Variants in HAO1 observed in about 807,000 individuals in gnomAD.
The protein encoded by HAO1 is 2-Hydroxyacid oxidase 1.
In HAO1, 34 loss-of-function variants were observed where a neutral mutation model predicts 39.7. The ratio of observed to expected loss-of-function variants is 0.86; its 90% confidence interval spans 0.65 to 1.14. The LOEUF is 1.14. HAO1 is among the 50% of genes most tolerant of loss of function. HAO1 has a pLI of 0.00. For synonymous variants in HAO1, 172 were observed against 173.2 expected, an observed-to-expected ratio of 0.99 and a Z score of 0.05; for missense variants, 479 against 464.5, an observed-to-expected ratio of 1.03 and a Z score of -0.29.
chr20:7,918,686 C>T (rs1568517071), intron 2 of HAO1, among the ~76,000 whole-genome samples: 1 of 152,172 alleles, frequency 6.6e-6, no homozygotes, highest in African/African-American at 2.4e-5. Flanking sequence ...GCTCAAAGTC[C>T]TTTGCTAAAT....
At chr20:7,897,801 G>C (rs1026427093) in intron 4 of HAO1, among the ~76,000 whole-genome samples, 4 of 151,748 alleles carry the variant, frequency 2.6e-5, no homozygotes, top group Admixed American at 1.3e-4. Context: ...GTTATGTTTT[G>C]GTGTTTCTGA....
rs142998832 is a variant in HAO1, at chr20:7,906,222, C to T, written c.653G>A (p.Ser218Asn). The change falls in exon 4 of 8, where the codon AGC becomes AAC. Residue 218 changes from serine (S) to asparagine (N), a missense_variant. Physicochemically the swap from Ser to Asn is conservative, Grantham distance 46. Coordinates refer to ENST00000378789, the MANE Select transcript of HAO1 (RefSeq NM_017545.3). ...YVAKAIDPSI[S>N]WEDIKWLRRL... ...TCTCAGCCATTTGATATCTTCCCAG[C>T]TGATAGATGGGTCTATTGCTTTAGC... 1.3e-4 allele frequency: 213 copies of T among 1,612,582 alleles called. 1 individual carries two copies. In the African/African-American group the frequency reaches 2.7e-3, roughly 20 times the overall value.
At chr20:7,909,363 ATATATATATATATATG>A (rs1330501326) in intron 3 of HAO1, among the ~76,000 whole-genome samples, 45 of 93,770 alleles carry the variant, frequency 4.8e-4, no homozygotes, top group African/African-American at 2.6e-3. Flanking sequence ...ATTATGACAT[ATATATATATATATATG>A]TATATATATA....
At position 7,890,307 on chromosome 20, in the gene HAO1, G is replaced by A. The variant is rs6055367; in HGVS notation, c.814-4443C>T. On this transcript the variant is annotated intron_variant, in intron 5 of 7. Transcript: ENST00000378789. ...TGGCTCACTGCAACCTCCATCTCCC[G>A]GGTTCAAGTGATTCTCCTGCCTCGG... Among the ~76,000 whole-genome samples, 1,129 of 151,926 alleles carry A rather than the reference G, an allele frequency of 7.4e-3. 20 individuals are homozygous for A. Among genetic ancestry groups the A allele is most frequent in the African/African-American group, 0.025 (1,044 of 41,428 alleles).
chr20:7,926,327 C>G, intron 2 of HAO1, among the ~76,000 whole-genome samples: 1 of 152,070 alleles, frequency 6.6e-6, no homozygotes, highest in East Asian at 1.9e-4. Context: ...TGATACATGA[C>G]AGGCACTCCA....
chr20:7,903,870 T>C (rs1381767907), intron 4 of HAO1, among the ~76,000 whole-genome samples: 5 of 127,696 alleles, frequency 3.9e-5, no homozygotes, highest in Admixed American at 8.4e-5. Context: ...GTGGTGGTGG[T>C]GGTGGTGGTG....
Position 7,906,292 on chromosome 20 carries a change from GA to G in HAO1, c.582del (p.Pro195LeufsTer19). On this transcript the variant is annotated frameshift_variant, in exon 4 of 8. Coordinates refer to ENST00000378789, the MANE Select transcript of HAO1 (RefSeq NM_017545.3). LOFTEE classifies it high-confidence loss of function. ...CTGTCGTCTCCAAAATTTTCCTCAG[GA>G]GAAAATGATAAAGTACTGGTTTCAA... is the stretch of plus-strand genomic sequence containing the variant. ...KNFETSTLSFSPEENFGDDSG... is the reference protein window; with the variant it reads ...KNFETSTLSFXPEENFGDDSG... 1 of 1,611,696 alleles carries G rather than the reference GA, an allele frequency of 6.2e-7. No homozygotes were observed. The highest frequency in any genetic ancestry group is 1.1e-5 in the South Asian group (1 of 91,020).
intron 5 of HAO1, among the ~76,000 whole-genome samples, chr20:7,887,881 G>A (rs2050157405): frequency 6.6e-6 from 1 of 152,116 alleles, no homozygotes; most frequent in South Asian, 2.1e-4. Context: ...ATTGCTAGGT[G>A]TTTCAATCCT....
intron 5 of HAO1, among the ~76,000 whole-genome samples, chr20:7,889,811 C>T (rs1010144813): frequency 1.3e-5 from 2 of 152,146 alleles, no homozygotes; most frequent in African/African-American, 4.8e-5. Flanking sequence ...GTAAGCAACA[C>T]AATACTGTGA....
intron 2 of HAO1, among the ~76,000 whole-genome samples, chr20:7,918,561 A>T (rs192414960): frequency 3.3e-4 from 51 of 152,256 alleles, no homozygotes; most frequent in African/African-American, 1.2e-3. Context: ...TTTTCTCCCC[A>T]AGGAATCCCC....
intron 3 of HAO1, 111 bp downstream of exon 3, chr20:7,914,053 C>A: frequency 8.7e-7 from 1 of 1,151,884 alleles, no homozygotes; most frequent in Non-Finnish European, 1.3e-6. Context: ...ATGTGATTAG[C>A]TGAAGATTAA....
At chr20:7,924,141 C>G (rs1429167138) in intron 2 of HAO1, among the ~76,000 whole-genome samples, 2 of 151,926 alleles carry the variant, frequency 1.3e-5, no homozygotes, top group Non-Finnish European at 2.9e-5. Context: ...CATAATGGCC[C>G]CTCAGTACAC....
intron 2 of HAO1, among the ~76,000 whole-genome samples, chr20:7,919,339 T>C (rs2050320820): frequency 6.6e-6 from 1 of 152,198 alleles, no homozygotes; most frequent in African/African-American, 2.4e-5. Flanking sequence ...TACAGATATA[T>C]TCAGACTTTA....
chr20:7,926,949 A>G (rs1189435226), intron 2 of HAO1, among the ~76,000 whole-genome samples: 1 of 151,900 alleles, frequency 6.6e-6, no homozygotes, highest in Non-Finnish European at 1.5e-5. Context: ...ATTTTTCTTG[A>G]TATGAGGTCC....
chr20:7,916,140 A>G (rs1368287628), intron 2 of HAO1, among the ~76,000 whole-genome samples: 1 of 152,186 alleles, frequency 6.6e-6, no homozygotes, highest in South Asian at 2.1e-4. Flanking sequence ...TTGAGAGAAC[A>G]TGAGTGATAG....
chr20:7,885,755 G>A lies in HAO1; in HGVS notation c.923C>T (p.Ala308Val), dbSNP rs1221754859. The change falls in exon 6 of 8, where the codon GCC (alanine) becomes GTC (valine). Residue 308 changes from alanine to valine, a missense_variant. Coordinates refer to ENST00000378789, the MANE Select transcript of HAO1 (RefSeq NM_017545.3). ...TDVLKALALG[A>V]KAVFVGRPIV... ...TGGTCTCCCCACAAACACAGCCTTG[G>A]CGCCAAGAGCCAGAGCTTTCAGAAC... is the stretch of plus-strand genomic sequence containing the variant. 3 of 1,613,654 alleles carry A rather than the reference G, an allele frequency of 1.9e-6. No homozygotes were observed. Among genetic ancestry groups the A allele is most frequent in the East Asian group, 4.5e-5 (2 of 44,862 alleles).
At chr20:7,933,682 G>A (rs567473789) in intron 2 of HAO1, among the ~76,000 whole-genome samples, 14 of 152,240 alleles carry the variant, frequency 9.2e-5, no homozygotes, top group South Asian at 2.1e-4. Context: ...TTATATAGTC[G>A]TGTTCTTTTT....
At chr20:7,894,366 A>G (rs921435588) in intron 5 of HAO1, among the ~76,000 whole-genome samples, 3 of 152,132 alleles carry the variant, frequency 2.0e-5, no homozygotes, top group African/African-American at 7.2e-5. Context: ...TTTTACATCT[A>G]GATTTTGGAC....
At chr20:7,923,297 A>T (rs1727838892) in intron 2 of HAO1, among the ~76,000 whole-genome samples, 1 of 152,174 alleles carries the variant, frequency 6.6e-6, no homozygotes, top group Non-Finnish European at 1.5e-5. Flanking sequence ...TGGGAAATGC[A>T]ATTGTTCTTC....
Sources: gnomAD v4.1 joint callset for allele counts (sites outside exome capture counted in the v4.1 genomes callset) on GRCh38, gnomAD v4.1.1 for gene constraint, MANE v1.5 for transcripts, NCBI Gene and HGNC (gene_info 2026-07-23, HGNC 2026-07-21) for gene names.